G6PC1: variants seen among roughly 807,000 people sequenced by gnomAD.
G6PC1 encodes G-6-Pase.
A neutral mutation model predicts 30.4 loss-of-function variants in G6PC1; 23 were observed. The ratio of observed to expected loss-of-function variants is 0.76; its 90% CI spans 0.55 to 1.07. G6PC1 has a LOEUF of 1.07. Ranked by LOEUF, G6PC1 falls within the 50% of genes least tolerant of loss-of-function variation. The probability of loss-of-function intolerance (pLI) is 0.00; values close to 1 mark genes in which losing one functional copy is unlikely to be tolerated. For missense variants in G6PC1, 391 were observed against 433.9 expected, an observed-to-expected ratio of 0.90 and a Z score of 0.88; for synonymous variants, 163 against 175.6, an observed-to-expected ratio of 0.93 and a Z score of 0.57.
At chr17:42,909,222 C>T (rs1454864434) in intron 3 of G6PC1, 81 bp from the exon 4 acceptor site, 15 of 1,057,210 alleles carry the variant, frequency 1.4e-5, no homozygotes, top group Non-Finnish European at 2.1e-5. Context: ...GTTTGCCAGG[C>T]TCCAACATTT....
chr17:42,907,044 A>G (rs1249977355), intron 2 of G6PC1, among the ~76,000 whole-genome samples: 2 of 152,188 alleles, frequency 1.3e-5, no homozygotes, highest in Non-Finnish European at 2.9e-5. Flanking sequence ...CTGTCTGGCC[A>G]GAGAAGATTG....
In G6PC1 at chr17:42,911,098, A is replaced by T. The variant is rs1413765493; in HGVS notation, c.746A>T (p.Glu249Val). ...GCCCAGAGGTGGTGCGAGCAGCCAG[A>T]ATGGGTCCACATTGACACCACACCC... ...EKAQRWCEQP[E>V]WVHIDTTPFA... Residue 249 changes from glutamate to valine, a missense_variant, in exon 5 of 5, where the codon GAA becomes GTA. Transcript: ENST00000253801. The T allele has an allele frequency of 1.2e-6, 2 of 1,614,108 alleles. No individual in the cohort carries two copies. The highest frequency in any genetic ancestry group is 8.5e-7 in the Non-Finnish European group (1 of 1,180,016).
chr17:42,907,699 G>C (rs369181197), intron 3 of G6PC1, 71 bp downstream of exon 3: 6 of 1,066,130 alleles, frequency 5.6e-6, no homozygotes, highest in South Asian at 5.1e-5. Context: ...GACACACCAC[G>C]TATTCTTCCT....
rs140224951 is a variant in G6PC1, at chr17:42,911,145, C to T, written c.793C>T (p.Leu265=). ...TTPFASLLKN[L]GTLFGLGLAL... ...ACCCTTTGCCAGCCTCCTCAAGAAC[C>T]TGGGCACGCTCTTTGGCCTGGGGCT... Residue 265 remains leucine (L), a synonymous_variant, in exon 5 of 5, where the codon CTG becomes TTG. Transcript: ENST00000253801. 1 of 1,614,006 alleles carries T rather than the reference C, an allele frequency of 6.2e-7. No homozygotes were observed. The highest frequency in any genetic ancestry group is 8.5e-7 in the Non-Finnish European group (1 of 1,180,026).
At chr17:42,907,997 A>C (rs1273070973) in intron 3 of G6PC1, among the ~76,000 whole-genome samples, 1 of 152,202 alleles carries the variant, frequency 6.6e-6, no homozygotes, top group Non-Finnish European at 1.5e-5. Flanking sequence ...TTCCTACTAC[A>C]GAGAATTCCG....
At position 42,912,721 on chromosome 17, in the gene G6PC1, T is replaced by G. The variant is rs2056103937; in HGVS notation, c.*1295T>G. The G allele has an allele frequency of 6.6e-6, 1 of 150,744 alleles. No individual in the cohort carries two copies. The highest frequency in any genetic ancestry group is 1.5e-5 in the Non-Finnish European group (1 of 67,732). 9.3% of individuals were successfully genotyped at this position (150,744 alleles called of 1,614,324 possible). ...CTGGGCTCAAGCAGTCCTCCCACCC[T>G]ACCACAGCGTCCCGCGTAGCTGGGA... On this transcript the variant is annotated 3_prime_UTR_variant, in exon 5 of 5. Coordinates refer to ENST00000253801, the MANE Select transcript of G6PC1 (RefSeq NM_000151.4).
rs369238258 is a variant in G6PC1 at position 42,911,345 on chromosome 17, G to A, written c.993G>A (p.Ala331=). Residue 331 remains alanine (A), a synonymous_variant, in exon 5 of 5, where the codon GCG becomes GCA. Transcript: ENST00000253801. ...VFYVLSFCKS[A]VVPLASVSVI... is the part of the protein sequence containing the mutation. ...ACGTCTTGTCCTTCTGCAAGAGTGC[G>A]GTAGTGCCCCTGGCATCCGTCAGTG... is the stretch of plus-strand genomic sequence containing the variant. The A allele has an allele frequency of 2.6e-5, 42 of 1,614,020 alleles. No homozygotes were observed. The highest frequency in any genetic ancestry group is 6.7e-5 in the Admixed American group (4 of 59,990).
Position 42,911,175 on chromosome 17 carries a change from C to G in G6PC1, c.823C>G (p.Leu275Val), listed in dbSNP as rs942377882. Residue 275 changes from leucine to valine, a missense_variant, in exon 5 of 5, where the codon CTC (leucine) becomes GTC (valine). Leu to Val is a conservative substitution (Grantham distance 32). Coordinates refer to ENST00000253801, the MANE Select transcript of G6PC1 (RefSeq NM_000151.4). ...LGTLFGLGLALNSSMYRESCK... is the reference protein window; with the variant it reads ...LGTLFGLGLAVNSSMYRESCK... ...CACGCTCTTTGGCCTGGGGCTGGCT[C>G]TCAACTCCAGCATGTACAGGGAGAG... The G allele has an allele frequency of 6.2e-7, 1 of 1,614,042 alleles. No homozygotes were observed. Among genetic ancestry groups the G allele is most frequent in the Non-Finnish European group, 8.5e-7 (1 of 1,180,036 alleles).
At chr17:42,905,519 A>AG (rs1458393396) in intron 2 of G6PC1, among the ~76,000 whole-genome samples, 7 of 149,750 alleles carry the variant, frequency 4.7e-5, no homozygotes, top group African/African-American at 1.7e-4. Flanking sequence ...AAAAAAAAAA[A>AG]AAGAAGAAGA....
At chr17:42,903,141 G>A (rs563423419) in intron 1 of G6PC1, among the ~76,000 whole-genome samples, 39 of 150,314 alleles carry the variant, frequency 2.6e-4, no homozygotes, top group Non-Finnish European at 4.9e-4. Flanking sequence ...TAGTGCAGTG[G>A]CATAATCTCG....
intron 2 of G6PC1, among the ~76,000 whole-genome samples, chr17:42,906,422 G>A (rs60118899): frequency 3.6e-3 from 554 of 152,218 alleles, no homozygotes; most frequent in African/African-American, 0.011. Flanking sequence ...TGATCAAGGC[G>A]ACTCTCTTTA....
intron 1 of G6PC1, among the ~76,000 whole-genome samples, chr17:42,901,515 G>A (rs2056025996): frequency 6.6e-6 from 1 of 152,072 alleles, no homozygotes; most frequent in Non-Finnish European, 1.5e-5. Flanking sequence ...GGTGAACTCA[G>A]GAGTTCAAGA....
chr17:42,909,285 T>C lies in G6PC1; in HGVS notation c.447-18T>C. On this transcript the variant is annotated intron_variant, in intron 3 of 4. Transcript: ENST00000253801. Reference sequence around the variant, plus strand: ...GATCTGCACCTGTGTTCTGTTATGGTTGCCTCTTCTGTTGCAGGTGCTTGA... The same window carrying C: ...GATCTGCACCTGTGTTCTGTTATGGCTGCCTCTTCTGTTGCAGGTGCTTGA... 1 of 1,564,752 alleles carries C rather than the reference T, an allele frequency of 6.4e-7. No homozygotes were observed. The highest frequency in any genetic ancestry group is 8.8e-7 in the Non-Finnish European group (1 of 1,135,074).
chr17:42,907,146 A>G (rs1214075461), intron 2 of G6PC1, among the ~76,000 whole-genome samples: 1 of 152,060 alleles, frequency 6.6e-6, no homozygotes, highest in Non-Finnish European at 1.5e-5. Context: ...GCAAGGAGAG[A>G]AGGAACAGAA....
rs1487393391 is a variant in G6PC1, at chr17:42,911,008, T to G, written c.656T>G (p.Phe219Cys). The G allele has an allele frequency of 4.3e-6, 7 of 1,614,102 alleles. No homozygotes were observed. The highest frequency in any genetic ancestry group is 5.9e-6 in the Non-Finnish European group (7 of 1,180,044). Residue 219 changes from phenylalanine (F) to cysteine (C), a missense_variant, in exon 5 of 5, where the codon TTC becomes TGC. Phe to Cys is a radical substitution (Grantham distance 205). Transcript: ENST00000253801. ...YFLITFFLFS[F>C]AIGFYLLLKG... ...CTCATTACCTTCTTCCTGTTCAGCTTCGCCATCGGATTTTATCTGCTGCTC... is the reference window on the plus strand; with the variant it reads ...CTCATTACCTTCTTCCTGTTCAGCTGCGCCATCGGATTTTATCTGCTGCTC...
chr17:42,901,197 T>TA, intron 1 of G6PC1, 91 bp downstream of exon 1: 2 of 1,144,608 alleles, frequency 1.7e-6, no homozygotes, highest in Non-Finnish European at 2.7e-6. Flanking sequence ...TTCCCCAGGC[T>TA]ATTCAGGAAG....
At position 42,901,123 on chromosome 17, in the gene G6PC1, G is replaced by A. The variant is rs749460634; in HGVS notation, c.230+17G>A. Reference sequence around the variant, plus strand: ...CTTTAAGTGGTAAGAACCATATAGAGAGGAGATCAGCAAGAAAAGAGGCTG... The same window carrying A: ...CTTTAAGTGGTAAGAACCATATAGAAAGGAGATCAGCAAGAAAAGAGGCTG... On this transcript the variant is annotated intron_variant, in intron 1 of 4. Transcript: ENST00000253801. The A allele has an allele frequency of 6.3e-7, 1 of 1,595,882 alleles. No individual in the cohort carries two copies. Among genetic ancestry groups the A allele is most frequent in the Admixed American group, 1.7e-5 (1 of 59,990 alleles).
At chr17:42,902,251 T>TTTTG (rs925732912) in intron 1 of G6PC1, among the ~76,000 whole-genome samples, 1 of 152,134 alleles carries the variant, frequency 6.6e-6, no homozygotes, top group African/African-American at 2.4e-5. Context: ...TCTTTCTTTC[T>TTTTG]TTTGTTTGTT....
intron 1 of G6PC1, among the ~76,000 whole-genome samples, chr17:42,903,648 A>G (rs1052599475): frequency 2.6e-5 from 4 of 151,910 alleles, no homozygotes; most frequent in Non-Finnish European, 4.4e-5. Context: ...AGAGGTCACA[A>G]TGAGCCGAGA....
Sources: gnomAD v4.1 joint callset for allele counts (sites outside exome capture counted in the v4.1 genomes callset) on GRCh38, gnomAD v4.1.1 for gene constraint, MANE v1.5 for transcripts, NCBI Gene and HGNC (gene_info 2026-07-23, HGNC 2026-07-21) for gene names.